The following HIP1 variants were observed in gnomAD, a reference collection of about 807,000 sequenced individuals.
HIP1 encodes huntingtin-interacting protein 1.
HIP1 carries 65 observed loss-of-function variants against 147.6 expected under a neutral mutation model. The observed-to-expected ratio is 0.44, with a 90% CI of 0.36 to 0.54. The LOEUF (loss-of-function observed/expected upper bound fraction) is 0.54. HIP1 is among the 20% of genes least tolerant of loss of function. HIP1 has a pLI of 0.00. For missense variants in HIP1, 1,061 were observed against 1,299.6 expected, an observed-to-expected ratio of 0.82 and a Z score of 2.82; for synonymous variants, 479 against 504.0, an observed-to-expected ratio of 0.95 and a Z score of 0.67.
intron 1 of HIP1, among the ~76,000 whole-genome samples, chr7:75,686,843 CTTTTTTT>C (rs55942242): frequency 1.9e-4 from 15 of 80,138 alleles, no homozygotes; most frequent in South Asian, 5.0e-4. Context: ...TATTTTAGTT[CTTTTTTT>C]TTTTTTTTTT....
At chr7:75,580,685 A>G (rs1796007433) in intron 7 of HIP1, among the ~76,000 whole-genome samples, 1 of 151,952 alleles carries the variant, frequency 6.6e-6, no homozygotes, top group Non-Finnish European at 1.5e-5. Context: ...GGTTGCAGTG[A>G]GCCGTAACAT....
rs1425826558 is a variant in HIP1 at position 75,537,220 on chromosome 7, C to A, written c.*952G>T. 5 of 233,034 alleles carry A rather than the reference C, an allele frequency of 2.1e-5. No homozygotes were observed. In the East Asian group the frequency reaches 3.0e-4, roughly 14 times the overall value. 14.4% of individuals were successfully genotyped at this position (233,034 alleles called of 1,614,324 possible). ...ACTGGGCTGTGTGAACCCTCTTGTC[C>A]CTCTTTCTGTTGTCTTCTCCCTTGT... On this transcript the variant is annotated 3_prime_UTR_variant, in exon 31 of 31. Coordinates refer to ENST00000336926, the MANE Select transcript of HIP1 (RefSeq NM_005338.7).
At chr7:75,549,843 T>G (rs1173426628) in intron 22 of HIP1, among the ~76,000 whole-genome samples, 12 of 150,730 alleles carry the variant, frequency 8.0e-5, no homozygotes, top group African/African-American at 2.4e-4. Context: ...ATAATTGTTT[T>G]TTTTTTTTTT....
intron 1 of HIP1, among the ~76,000 whole-genome samples, chr7:75,732,516 A>G (rs1801869904): frequency 6.6e-6 from 1 of 152,050 alleles, no homozygotes; most frequent in Non-Finnish European, 1.5e-5. Context: ...GACTACAGGC[A>G]GCACCACCAT....
At chr7:75,627,640 G>T (rs1442269225) in intron 1 of HIP1, among the ~76,000 whole-genome samples, 2 of 152,082 alleles carry the variant, frequency 1.3e-5, no homozygotes, top group Non-Finnish European at 2.9e-5. Flanking sequence ...GTTTATTGTG[G>T]GTAGCATCAA....
At chr7:75,572,643 G>C (rs1385160476) in intron 8 of HIP1, among the ~76,000 whole-genome samples, 2 of 152,220 alleles carry the variant, frequency 1.3e-5, no homozygotes, top group Non-Finnish European at 2.9e-5. Flanking sequence ...CCATGGAACA[G>C]GCAGAAGCCT....
chr7:75,664,777 C>T (rs781922925), intron 1 of HIP1, among the ~76,000 whole-genome samples: 1 of 152,002 alleles, frequency 6.6e-6, no homozygotes, highest in Non-Finnish European at 1.5e-5. Context: ...TGCACCACCA[C>T]GTCCGACTAA....
At chr7:75,670,799 TTTG>T (rs1415898450) in intron 1 of HIP1, among the ~76,000 whole-genome samples, 1 of 148,196 alleles carries the variant, frequency 6.7e-6, no homozygotes, top group Non-Finnish European at 1.5e-5. Context: ...TTTTTTTTTT[TTTG>T]GTAGAGATAG....
At chr7:75,623,209 G>GC (rs1491098490) in intron 1 of HIP1, among the ~76,000 whole-genome samples, 2 of 27,374 alleles carry the variant, frequency 7.3e-5, no homozygotes, top group Admixed American at 3.3e-4. Context: ...AAAAAAAAAA[G>GC]CAAAAAAAAA....
chr7:75,657,122 T>C (rs908958096), intron 1 of HIP1, among the ~76,000 whole-genome samples: 19 of 152,246 alleles, frequency 1.2e-4, no homozygotes, highest in Admixed American at 1.3e-4. Flanking sequence ...TGTATGTTTA[T>C]TGCAGCACCA....
chr7:75,659,017 A>G (rs189971934), intron 1 of HIP1, among the ~76,000 whole-genome samples: 2 of 152,350 alleles, frequency 1.3e-5, no homozygotes, highest in Admixed American at 6.5e-5. Flanking sequence ...TGAAATTCCA[A>G]TGACTCGCCA....
intron 1 of HIP1, among the ~76,000 whole-genome samples, chr7:75,623,314 G>A (rs1190006374): frequency 3.3e-5 from 5 of 151,996 alleles, no homozygotes; most frequent in Admixed American, 6.6e-5. Flanking sequence ...GGTTTCTGCT[G>A]TGAAGAGGGA....
At chr7:75,683,866 G>A (rs921096893) in intron 1 of HIP1, among the ~76,000 whole-genome samples, 5 of 150,974 alleles carry the variant, frequency 3.3e-5, no homozygotes, top group Middle Eastern at 3.4e-3. Context: ...AGCTTGGGTC[G>A]AATCCTTGCT....
At chr7:75,614,979 G>T (rs1584882875) in intron 1 of HIP1, among the ~76,000 whole-genome samples, 3 of 151,898 alleles carry the variant, frequency 2.0e-5, no homozygotes, top group Non-Finnish European at 2.9e-5. Flanking sequence ...CACCATGTTG[G>T]CCTGTCTTGT....
chr7:75,557,054 T>TTTATTTATTTATTTA (rs1554493535), intron 16 of HIP1, among the ~76,000 whole-genome samples: 1 of 73,856 alleles, frequency 1.4e-5, no homozygotes, highest in African/African-American at 5.9e-5. Flanking sequence ...TTATTTATTT[T>TTTATTTATTTATTTA]TGAGACGGAG....
chr7:75,537,119 C>G lies in HIP1; in HGVS notation c.*1053G>C, dbSNP rs377595607. 4.3e-6 allele frequency: 1 copy of G among 232,446 alleles called. No homozygotes were observed. The highest frequency in any genetic ancestry group is 2.2e-5 in the African/African-American group (1 of 45,290). The allele number at this position is 232,446 out of a possible 1,614,324, so 14.4% of individuals were successfully genotyped here. ...GAGACCATTCACGGACAGTTCATTC[C>G]GGCAGGGAAGTAGTGTTGTTGATCT... is the stretch of plus-strand genomic sequence containing the variant. On this transcript the variant is annotated 3_prime_UTR_variant, in exon 31 of 31. Transcript: ENST00000336926.
chr7:75,651,521 C>G (rs1798988394), intron 1 of HIP1, among the ~76,000 whole-genome samples: 1 of 143,178 alleles, frequency 7.0e-6, no homozygotes, highest in South Asian at 2.3e-4. Context: ...AAAAACATCC[C>G]AAGATTCTAA....
chr7:75,731,512 T>G (rs1452236060), intron 1 of HIP1, among the ~76,000 whole-genome samples: 1 of 147,992 alleles, frequency 6.8e-6, no homozygotes, highest in Non-Finnish European at 1.5e-5. Context: ...CCAGCTCTGA[T>G]TGTCAAGTAA....
intron 30 of HIP1, among the ~76,000 whole-genome samples, chr7:75,538,570 CTTTTTT>C (rs67030357): frequency 1.8e-5 from 2 of 112,936 alleles, no homozygotes; most frequent in South Asian, 2.9e-4. Flanking sequence ...CTGATCCCTT[CTTTTTT>C]TTTTTTTTTT....
Sources: allele counts gnomAD v4.1 joint callset (sites outside exome capture counted in the v4.1 genomes callset), GRCh38; gene constraint gnomAD v4.1.1; transcripts MANE v1.5; gene names NCBI Gene and HGNC (gene_info 2026-07-23, HGNC 2026-07-21).